COL21A1: variants seen among roughly 807,000 people sequenced by gnomAD.
The protein encoded by COL21A1 is collagen alpha-1(XXI) chain.
A neutral mutation model predicts 137.9 loss-of-function variants in COL21A1; 149 were observed. The observed-to-expected ratio is 1.08, with a 90% CI of 0.95 to 1.24. COL21A1 has a LOEUF of 1.24. Among genes scored for constraint, COL21A1 ranks in the 50% most tolerant of loss-of-function variants. The probability of loss-of-function intolerance (pLI) is 0.00; values close to 1 mark genes in which losing one functional copy is unlikely to be tolerated. For synonymous variants in COL21A1, 456 were observed against 391.5 expected (o/e 1.16, Z -1.95); for missense variants, 1,167 against 1,158.4 (o/e 1.01, Z -0.11).
intron 1 of COL21A1, among the ~76,000 whole-genome samples, chr6:56,323,082 T>C (rs1764913237): frequency 6.6e-6 from 1 of 152,050 alleles, no homozygotes; most frequent in Non-Finnish European, 1.5e-5. Flanking sequence ...ATGTACACTA[T>C]TTGCGTGATA....
Position 56,057,507 on chromosome 6 carries a change from T to A in COL21A1, c.*150A>T, listed in dbSNP as rs1424353099. 4.2e-6 allele frequency: 3 copies of A among 715,208 alleles called. No individual in the cohort carries two copies. The East Asian group carries it at 8.3e-5, about 20-fold the overall frequency. 44.3% of individuals were successfully genotyped at this position (715,208 alleles called of 1,614,324 possible). On this transcript the variant is annotated 3_prime_UTR_variant, in exon 30 of 30. Coordinates refer to ENST00000244728, the MANE Select transcript of COL21A1 (RefSeq NM_030820.4). ...GAGCCTTTAAAATCAGTATATGTGATCTTTTATATTTTTTTCCATAAGAAA... is the reference window on the plus strand; with the variant it reads ...GAGCCTTTAAAATCAGTATATGTGAACTTTTATATTTTTTTCCATAAGAAA...
chr6:56,371,920 C>T (rs1215194786), intron 1 of COL21A1, among the ~76,000 whole-genome samples: 1 of 152,170 alleles, frequency 6.6e-6, no homozygotes, highest in Non-Finnish European at 1.5e-5. Context: ...CCCTGCTCCA[C>T]AGAGCTGGGC....
chr6:56,260,681 A>AAGGCAGGCAGGC (rs1763242682), intron 1 of COL21A1, among the ~76,000 whole-genome samples: 1 of 110,262 alleles, frequency 9.1e-6, no homozygotes, highest in African/African-American at 4.8e-5. Flanking sequence ...GGAAGGAAGG[A>AAGGCAGGCAGGC]AGGAAGGAAG....
intron 12 of COL21A1, among the ~76,000 whole-genome samples, chr6:56,141,384 A>C (rs544490950): frequency 6.6e-6 from 1 of 152,332 alleles, no homozygotes; most frequent in African/African-American, 2.4e-5. Context: ...TGGAATCTAA[A>C]AAATGTGGCT....
intron 1 of COL21A1, among the ~76,000 whole-genome samples, chr6:56,315,494 C>T (rs550042047): frequency 2.0e-5 from 3 of 152,040 alleles, no homozygotes; most frequent in Non-Finnish European, 2.9e-5. Flanking sequence ...ATCTCTTATT[C>T]CTTCTGAAGG....
At chr6:56,162,422 G>C (rs1776262287) in intron 9 of COL21A1, among the ~76,000 whole-genome samples, 1 of 152,098 alleles carries the variant, frequency 6.6e-6, no homozygotes. Flanking sequence ...CATGAAACTT[G>C]GAAATATTAA....
chr6:56,104,879 G>C lies in COL21A1; in HGVS notation c.1759-3354C>G, dbSNP rs1024056438. 2.0e-5 allele frequency among the ~76,000 whole-genome samples: 3 copies of C among 152,298 alleles called. No homozygotes were observed. In the South Asian group the frequency reaches 6.2e-4, roughly 32 times the overall value. Reference sequence around the variant, plus strand: ...CCCCAAAAAAATAAAAGGATGGAAAGTAATTTAGTTTGCTTATAGCAATCC... The same window carrying C: ...CCCCAAAAAAATAAAAGGATGGAAACTAATTTAGTTTGCTTATAGCAATCC... On this transcript the variant is annotated intron_variant, in intron 16 of 29. Coordinates refer to ENST00000244728, the MANE Select transcript of COL21A1 (RefSeq NM_030820.4).
At chr6:56,099,398 G>A (rs533213013) in intron 17 of COL21A1, among the ~76,000 whole-genome samples, 79 of 149,964 alleles carry the variant, frequency 5.3e-4, no homozygotes, top group African/African-American at 1.8e-3. Flanking sequence ...CACCACGCCT[G>A]GCTAATTTTT....
At chr6:56,330,619 T>A (rs963531073) in intron 1 of COL21A1, among the ~76,000 whole-genome samples, 2 of 152,070 alleles carry the variant, frequency 1.3e-5, no homozygotes, top group Non-Finnish European at 2.9e-5. Context: ...TAATAAACAT[T>A]GTACCCAATA....
rs750264242 is a variant in COL21A1, at chr6:56,156,943, G to C, written c.1378C>G (p.Pro460Ala). The change falls in exon 10 of 30, where the codon CCT becomes GCT. Residue 460 changes from proline to alanine, a missense_variant. Coordinates refer to ENST00000244728, the MANE Select transcript of COL21A1 (RefSeq NM_030820.4). Reference sequence around the variant, plus strand: ...TAGCCAGGGTTCCCAGGCAGTCCAGGGTCACCCTAAGCAGGAAGCAAACAA... The same window carrying C: ...TAGCCAGGGTTCCCAGGCAGTCCAGCGTCACCCTAAGCAGGAAGCAAACAA... ...KPGLQGPKGD[P>A]GLPGNPGYPG... 2 of 1,610,844 alleles carry C rather than the reference G, an allele frequency of 1.2e-6. No individual in the cohort carries two copies. Among genetic ancestry groups the C allele is most frequent in the East Asian group, 2.2e-5 (1 of 44,792 alleles).
chr6:56,158,186 G>C (rs900471572), intron 9 of COL21A1, among the ~76,000 whole-genome samples: 3 of 149,746 alleles, frequency 2.0e-5, no homozygotes, highest in African/African-American at 7.4e-5. Context: ...AGTCACTGCC[G>C]TAAGTATCAG....
intron 16 of COL21A1, among the ~76,000 whole-genome samples, chr6:56,111,066 T>C (rs1277368168): frequency 2.6e-5 from 4 of 151,470 alleles, no homozygotes; most frequent in Non-Finnish European, 5.9e-5. Flanking sequence ...TGATCATCAT[T>C]AATATCACCA....
At chr6:56,388,009 C>T (rs929172963) in intron 1 of COL21A1, among the ~76,000 whole-genome samples, 6 of 152,168 alleles carry the variant, frequency 3.9e-5, no homozygotes, top group Non-Finnish European at 5.9e-5. Flanking sequence ...GAGACTACCT[C>T]CACTTGGGGA....
At chr6:56,293,249 T>C (rs1219180776) in intron 1 of COL21A1, among the ~76,000 whole-genome samples, 1 of 152,202 alleles carries the variant, frequency 6.6e-6, no homozygotes, top group Non-Finnish European at 1.5e-5. Context: ...ATTCAAAAGT[T>C]CTCATCTGTG....
At chr6:56,122,310 TTC>T (rs1308300095) in intron 16 of COL21A1, among the ~76,000 whole-genome samples, 1 of 143,024 alleles carries the variant, frequency 7.0e-6, no homozygotes, top group Non-Finnish European at 1.5e-5. Context: ...GGCATGCGGT[TTC>T]TTTTTTTTTT....
intron 1 of COL21A1, among the ~76,000 whole-genome samples, chr6:56,290,910 C>T (rs1023374668): frequency 6.6e-6 from 1 of 152,154 alleles, no homozygotes; most frequent in Non-Finnish European, 1.5e-5. Context: ...CCTAAAGCTC[C>T]CAGGTGATTC....
chr6:56,289,801 G>A (rs1185316171), intron 1 of COL21A1, among the ~76,000 whole-genome samples: 2 of 152,012 alleles, frequency 1.3e-5, no homozygotes, highest in Non-Finnish European at 2.9e-5. Context: ...GTTAAATGAA[G>A]GTTGCCAGAT....
At chr6:56,390,282 A>C (rs1019335733) in intron 1 of COL21A1, among the ~76,000 whole-genome samples, 1 of 152,190 alleles carries the variant, frequency 6.6e-6, no homozygotes, top group African/African-American at 2.4e-5. Context: ...AATATTGGTT[A>C]TAAGATGTTA....
intron 1 of COL21A1, among the ~76,000 whole-genome samples, chr6:56,331,345 T>G (rs1765219921): frequency 6.6e-6 from 1 of 152,048 alleles, no homozygotes; most frequent in South Asian, 2.1e-4. Context: ...TTGTCATAAA[T>G]TCTTTCTTAG....
Sources: allele counts gnomAD v4.1 joint callset (sites outside exome capture counted in the v4.1 genomes callset), GRCh38; gene constraint gnomAD v4.1.1; transcripts MANE v1.5; gene names NCBI Gene and HGNC (gene_info 2026-07-23, HGNC 2026-07-21).